The following SLIT2 variants were observed in gnomAD, a reference collection of about 807,000 sequenced individuals.
The protein encoded by SLIT2 is slit guidance ligand 2.
SLIT2 carries 41 observed loss-of-function variants against 185.7 expected under a neutral mutation model. That is an observed-to-expected ratio of 0.22 (90% confidence interval 0.17 to 0.29). The LOEUF (loss-of-function observed/expected upper bound fraction) is 0.29. SLIT2 is among the 10% of genes least tolerant of loss of function. The pLI is 1.00. For missense variants in SLIT2, 1,571 were observed against 1,909.0 expected (o/e 0.82, Z 3.30); for synonymous variants, 693 against 680.2 (o/e 1.02, Z -0.29).
intron 29 of SLIT2, among the ~76,000 whole-genome samples, chr4:20,584,250 TGC>T (rs1244180398): frequency 1.3e-5 from 2 of 152,198 alleles, no homozygotes; most frequent in Non-Finnish European, 2.9e-5. Flanking sequence ...TCTCGTATAT[TGC>T]ATACAACCGT....
In SLIT2 at chr4:20,472,518, A is replaced by ATATC. The variant is rs1715512721; in HGVS notation, c.467+4698_467+4699insCTAT. 9.1e-5 allele frequency among the ~76,000 whole-genome samples: 2 copies of ATATC among 21,990 alleles called. 1 individual carries two copies. The highest frequency in any genetic ancestry group is 7.8e-3 in the East Asian group (2 of 258). The allele number at this position is 21,990 out of a possible 152,430, so 14.4% of individuals were successfully genotyped here. A position where few individuals can be genotyped will look rare whatever the true frequency, so the allele number is the denominator to read the frequency against. ...GATATATATCTATATATAGATAGAT[A>ATATC]TATATCTATATATAGATATATCTAT... On this transcript the variant is annotated intron_variant, in intron 5 of 36. Transcript: ENST00000504154.
At position 20,618,789 on chromosome 4, in the gene SLIT2, G is replaced by A; in HGVS notation, c.4370G>A (p.Arg1457Lys). The A allele has an allele frequency of 6.2e-7, 1 of 1,602,536 alleles. No homozygotes were observed. Among genetic ancestry groups the A allele is most frequent in the Non-Finnish European group, 8.5e-7 (1 of 1,170,508 alleles). ...CTAGAAATCTCTTGTCGAGGGGAAA[G>A]GATAAGAGATTATTACCAAAAGCAG... The part of the protein sequence containing the change: ...CDREISCRGE[R>K]IRDYYQKQQG... Residue 1457 changes from arginine (R) to lysine (K), a missense_variant, in exon 37 of 37, where the codon AGG (arginine) becomes AAG (lysine). Physicochemically the swap from Arg to Lys is conservative, Grantham distance 26 (BLOSUM62 2). Around this residue, in one of 3 missense-constraint regions of SLIT2, gnomAD observed 223 missense variants for 245.2 expected, o/e 0.91. Coordinates refer to ENST00000504154, the MANE Select transcript of SLIT2 (RefSeq NM_004787.4).
chr4:20,604,574 C>T (rs1432353034), intron 33 of SLIT2, among the ~76,000 whole-genome samples: 1 of 152,124 alleles, frequency 6.6e-6, no homozygotes, highest in Non-Finnish European at 1.5e-5. Context: ...GTCTCCATTT[C>T]CTGACCTTGT....
Position 20,541,433 on chromosome 4 carries a change from C to T in SLIT2, c.1977-20C>T, listed in dbSNP as rs371336825. 122 of 1,611,960 alleles carry T rather than the reference C, an allele frequency of 7.6e-5. 1 individual carries two copies. In the East Asian group the frequency reaches 1.2e-3, roughly 17 times the overall value. On this transcript the variant is annotated intron_variant, in intron 19 of 36. Coordinates refer to ENST00000504154, the MANE Select transcript of SLIT2 (RefSeq NM_004787.4). ...TGAAACCCCAGGCTAAACTGTGCAT[C>T]GTTTGCCTGTGGCTCTTAGAAACCT...
At chr4:20,394,830 T>C (rs1241225086) in intron 4 of SLIT2, 1 of 152,100 alleles carries the variant, frequency 6.6e-6, no homozygotes, top group Non-Finnish European at 1.5e-5. Context: ...GGGAGTTCTG[T>C]AAATAAAACA....
intron 5 of SLIT2, among the ~76,000 whole-genome samples, chr4:20,475,904 A>G (rs1716057426): frequency 6.6e-6 from 1 of 152,162 alleles, no homozygotes; most frequent in Non-Finnish European, 1.5e-5. Flanking sequence ...CTACTCCTAT[A>G]AAAACTGAAA....
chr4:20,480,899 G>T, intron 6 of SLIT2, 112 bp downstream of exon 6: 1 of 777,418 alleles, frequency 1.3e-6, no homozygotes, highest in South Asian at 1.5e-5. Flanking sequence ...AGTCTCTCAA[G>T]AGATACCTTA....
chr4:20,530,216 G>T (rs1230745826), intron 16 of SLIT2, among the ~76,000 whole-genome samples: 2 of 151,640 alleles, frequency 1.3e-5, no homozygotes, highest in Non-Finnish European at 2.9e-5. Flanking sequence ...GACATATAGG[G>T]ATTTATGCTT....
intron 4 of SLIT2, among the ~76,000 whole-genome samples, chr4:20,399,484 A>G (rs1032014541): frequency 2.0e-5 from 3 of 151,858 alleles, no homozygotes; most frequent in Admixed American, 6.6e-5. Context: ...GGTATTTGTG[A>G]ATTTTAATTA....
chr4:20,327,433 CA>C (rs753219057), intron 4 of SLIT2, among the ~76,000 whole-genome samples: 2 of 151,820 alleles, frequency 1.3e-5, no homozygotes, highest in African/African-American at 4.8e-5. Context: ...ACAAAAATTC[CA>C]AAAAAGTTAT....
intron 29 of SLIT2, among the ~76,000 whole-genome samples, chr4:20,585,321 C>CAACCTCTTATCAACAAGAGGTTGAT: frequency 6.6e-6 from 1 of 152,198 alleles, no homozygotes; most frequent in East Asian, 1.9e-4. Flanking sequence ...CAGAATGCTT[C>CAACCTCTTATCAACAAGAGGTTGAT]AACCTCTTAT....
chr4:20,315,723 G>C (rs1006232257), intron 4 of SLIT2, among the ~76,000 whole-genome samples: 9 of 151,982 alleles, frequency 5.9e-5, no homozygotes, highest in Admixed American at 5.9e-4. Flanking sequence ...TTACACTAAA[G>C]ACAGTACAGA....
intron 4 of SLIT2, among the ~76,000 whole-genome samples, chr4:20,446,776 ATTAACTC>A (rs1255150751): frequency 6.6e-6 from 1 of 152,236 alleles, no homozygotes; most frequent in Non-Finnish European, 1.5e-5. Flanking sequence ...ATTATTAACT[ATTAACTC>A]TATGTACAGA....
intron 4 of SLIT2, among the ~76,000 whole-genome samples, chr4:20,355,479 T>G (rs1722242152): frequency 6.6e-6 from 1 of 152,200 alleles, no homozygotes; most frequent in African/African-American, 2.4e-5. Flanking sequence ...GAGAATATTC[T>G]CCTTATTGTT....
At chr4:20,609,884 G>C in intron 33 of SLIT2, 129 bp from the exon 34 acceptor site, 1 of 769,102 alleles carries the variant, frequency 1.3e-6, no homozygotes, top group Non-Finnish European at 1.9e-6. Context: ...TCAACTACTC[G>C]TCTTTATCTT....
chr4:20,583,058 C>T (rs1165802469), intron 29 of SLIT2, among the ~76,000 whole-genome samples: 1 of 152,176 alleles, frequency 6.6e-6, no homozygotes, highest in Non-Finnish European at 1.5e-5. Context: ...TGGAATTTTC[C>T]ATTTAATATG....
intron 4 of SLIT2, among the ~76,000 whole-genome samples, chr4:20,345,500 T>C (rs1204756421): frequency 6.6e-6 from 1 of 151,898 alleles, no homozygotes; most frequent in Non-Finnish European, 1.5e-5. Context: ...TCTTTTTTTT[T>C]TCCTTTTTTC....
chr4:20,411,964 A>C (rs998151119), intron 4 of SLIT2, among the ~76,000 whole-genome samples: 2 of 152,314 alleles, frequency 1.3e-5, no homozygotes, highest in East Asian at 3.9e-4. Context: ...GAGAGTTGTG[A>C]GGAACCATCA....
At chr4:20,328,846 A>G (rs1314829827) in intron 4 of SLIT2, among the ~76,000 whole-genome samples, 1 of 152,040 alleles carries the variant, frequency 6.6e-6, no homozygotes, top group Non-Finnish European at 1.5e-5. Context: ...TGAACTGAAA[A>G]TGAGAATGTT....
Sources: gnomAD v4.1 joint callset for allele counts (sites outside exome capture counted in the v4.1 genomes callset) on GRCh38, gnomAD v4.1.1 for gene constraint, gnomAD v4.1.1 regional missense constraint, MANE v1.5 for transcripts, NCBI Gene and HGNC (gene_info 2026-07-23, HGNC 2026-07-21) for gene names.